Variants in ZNF676 observed in about 807,000 individuals in gnomAD.
The protein encoded by ZNF676 is zinc finger protein 676.
In ZNF676, 4 loss-of-function variants were observed where a neutral mutation model predicts 6.0. The observed-to-expected ratio is 0.67, with a 90% CI of 0.33 to 1.53. ZNF676 has a LOEUF of 1.53. Ranked by LOEUF, ZNF676 falls within the 40% of genes most tolerant of loss-of-function variation. The probability of loss-of-function intolerance (pLI) is 0.06; values close to 1 mark genes in which losing one functional copy is unlikely to be tolerated. For missense variants in ZNF676, 644 were observed against 679.7 expected (o/e 0.95, Z 0.58); for synonymous variants, 198 against 223.1 (o/e 0.89, Z 1.00).
At chr19:22,226,801 G>A in the ZNF676 span, among the ~76,000 whole-genome samples, 2 of 152,036 alleles carry the variant, frequency 1.3e-5, no homozygotes, top group African/African-American at 4.8e-5. Flanking sequence ...GTTTCACCAT[G>A]TTGGTCTGGC....
the ZNF676 span, among the ~76,000 whole-genome samples, chr19:22,258,544 G>C: frequency 6.6e-6 from 1 of 152,176 alleles, no homozygotes; most frequent in East Asian, 1.9e-4. Flanking sequence ...GGCAGGAAAG[G>C]AGAGTCACAT....
Position 22,180,495 on chromosome 19 carries a change from G to A in ZNF676, c.1222C>T (p.Leu408Phe). ...CGKASNSSSK[L>F]MEHKRIHTGE... ...GTATGAATTCTCTTATGTTCCATGA[G>A]CTTTGAGGATGAGTTGGAAGCTTTG... Residue 408 changes from leucine (L) to phenylalanine (F), a missense_variant, in exon 3 of 3, where the codon CTC becomes TTC. By Grantham distance (22) the Leu-to-Phe change is conservative (BLOSUM62 0). Around this residue, in one of 5 missense-constraint regions of ZNF676, gnomAD observed 306 missense variants for 265.4 expected, o/e 1.15. Transcript: ENST00000397121. The A allele has an allele frequency of 6.2e-6, 10 of 1,606,130 alleles. No individual in the cohort carries two copies. The highest frequency in any genetic ancestry group is 8.5e-6 in the Non-Finnish European group (10 of 1,177,804).
the ZNF676 span, among the ~76,000 whole-genome samples, chr19:22,255,718 G>A: frequency 1.3e-5 from 2 of 151,970 alleles, no homozygotes; most frequent in African/African-American, 4.8e-5. Context: ...GGTGGCGGGT[G>A]CCTGTTGTCT....
the ZNF676 span, among the ~76,000 whole-genome samples, chr19:22,235,112 G>T: frequency 3.5e-5 from 4 of 112,956 alleles, 1 homozygote; most frequent in African/African-American, 1.1e-4. Context: ...AGTCAGGAAG[G>T]CAGGAAGGCA....
intron 1 of ZNF676, among the ~76,000 whole-genome samples, chr19:22,208,181 T>A (rs1242158506): frequency 2.0e-5 from 3 of 150,142 alleles, no homozygotes; most frequent in Non-Finnish European, 4.4e-5. Flanking sequence ...TAATAGGAAA[T>A]ATTTGCAAAC....
upstream of ZNF676, among the ~76,000 whole-genome samples, chr19:22,201,338 T>A (rs2024023723): frequency 1.3e-5 from 2 of 152,148 alleles, no homozygotes. Flanking sequence ...GGCCACACTC[T>A]CAAAAAAGGA....
chr19:22,223,232 T>C, the ZNF676 span, among the ~76,000 whole-genome samples: 1 of 152,186 alleles, frequency 6.6e-6, no homozygotes, highest in East Asian at 1.9e-4. Context: ...TGGAAGCCTG[T>C]CTCCTGAAAA....
At chr19:22,220,167 T>C (rs777286382), upstream of ZNF676, among the ~76,000 whole-genome samples, 5 of 152,220 alleles carry the variant, frequency 3.3e-5, no homozygotes, top group Admixed American at 2.0e-4. Flanking sequence ...TGGCATAAAA[T>C]GTTCTTGATT....
chr19:22,251,035 T>C, the ZNF676 span, among the ~76,000 whole-genome samples: 2 of 152,228 alleles, frequency 1.3e-5, no homozygotes, highest in Admixed American at 1.3e-4. Flanking sequence ...TCTGACAGAA[T>C]CAGGAGCCTG....
In ZNF676 at chr19:22,209,725, G is replaced by A. The variant is rs116255882; in HGVS notation, c.3+5907C>T. 5.3e-3 allele frequency among the ~76,000 whole-genome samples: 812 copies of A among 152,298 alleles called. 6 individuals are homozygous for A. Among genetic ancestry groups the A allele is most frequent in the African/African-American group, 0.018 (743 of 41,560 alleles). ...GAAGGACTGGTTTGTGCTATAGATA[G>A]TGGCCCAGGTGGGGCTGTACTCTGA... On this transcript the variant is annotated intron_variant, in intron 1 of 3. Transcript: ENST00000650058.
At chr19:22,234,225 T>C in the ZNF676 span, among the ~76,000 whole-genome samples, 2 of 152,236 alleles carry the variant, frequency 1.3e-5, no homozygotes, top group Non-Finnish European at 2.9e-5. Flanking sequence ...CTTCATATTA[T>C]ACAGAACCGT....
At chr19:22,257,118 C>A in the ZNF676 span, among the ~76,000 whole-genome samples, 1 of 152,130 alleles carries the variant, frequency 6.6e-6, no homozygotes, top group Non-Finnish European at 1.5e-5. Context: ...ATGTTGCAAT[C>A]TTCCTTGAAA....
chr19:22,189,149 C>G (rs951264364), intron 2 of ZNF676, among the ~76,000 whole-genome samples: 7 of 151,890 alleles, frequency 4.6e-5, no homozygotes, highest in Non-Finnish European at 7.4e-5. Context: ...TACTGGTATC[C>G]AAACAGATAT....
At chr19:22,190,192 TA>T (rs939013408) in intron 2 of ZNF676, among the ~76,000 whole-genome samples, 18 of 151,788 alleles carry the variant, frequency 1.2e-4, no homozygotes, top group South Asian at 2.1e-4. Flanking sequence ...TATGCAGCCA[TA>T]AAAAAAATGA....
chr19:22,202,977 G>A (rs999932336), intron 1 of ZNF676, among the ~76,000 whole-genome samples: 3 of 152,126 alleles, frequency 2.0e-5, no homozygotes, highest in Non-Finnish European at 4.4e-5. Context: ...CACTGGGCTA[G>A]AACACTCCTG....
Position 22,181,543 on chromosome 19 carries a change from G to A in ZNF676, c.174C>T (p.Gly58=). 1.3e-6 allele frequency: 2 copies of A among 1,598,890 alleles called. No homozygotes were observed. The highest frequency in any genetic ancestry group is 1.7e-6 in the Non-Finnish European group (2 of 1,174,344). ...HFSQEFWPEQ[G]IEDSFQKMIL... ...TCATTTTTTGGAAAGAATCTTCTAT[G>A]CCTTGCTCTGGCCAAAACTCTTGGG... Residue 58 remains glycine (G), a synonymous_variant, in exon 3 of 3, where the codon GGC becomes GGT. Transcript: ENST00000397121.
At chr19:22,252,388 C>T in the ZNF676 span, among the ~76,000 whole-genome samples, 1 of 102,440 alleles carries the variant, frequency 9.8e-6, no homozygotes, top group East Asian at 3.3e-4. Flanking sequence ...GAGTGAGACT[C>T]TGTCTGAAAA....
At chr19:22,191,947 T>G (rs1222072067) in intron 2 of ZNF676, among the ~76,000 whole-genome samples, 1 of 152,210 alleles carries the variant, frequency 6.6e-6, no homozygotes, top group Non-Finnish European at 1.5e-5. Context: ...CTGACAATGC[T>G]TCTATCTTAA....
At chr19:22,258,286 T>C in the ZNF676 span, among the ~76,000 whole-genome samples, 2 of 152,086 alleles carry the variant, frequency 1.3e-5, no homozygotes, top group African/African-American at 4.8e-5. Flanking sequence ...CTCAGAGATA[T>C]GTCACAGTGC....
Sources: gnomAD v4.1 joint callset for allele counts (sites outside exome capture counted in the v4.1 genomes callset) on GRCh38, gnomAD v4.1.1 for gene constraint, gnomAD v4.1.1 regional missense constraint, MANE v1.5 for transcripts, NCBI Gene and HGNC (gene_info 2026-07-23, HGNC 2026-07-21) for gene names.